The following PCCA variants were observed in gnomAD, a reference collection of about 807,000 sequenced individuals.
The protein encoded by PCCA is propionyl-CoA carboxylase alpha chain, mitochondrial.
PCCA carries 74 observed loss-of-function variants against 101.3 expected under a neutral mutation model. The observed-to-expected ratio is 0.73, with a 90% CI of 0.61 to 0.89. PCCA has a LOEUF of 0.89. PCCA is among the 40% of genes least tolerant of loss of function. The probability of loss-of-function intolerance (pLI) is 0.00; values close to 1 mark genes in which losing one functional copy is unlikely to be tolerated. For missense variants in PCCA, 891 were observed against 907.0 expected, an observed-to-expected ratio of 0.98 and a Z score of 0.23; for synonymous variants, 294 against 313.6, an observed-to-expected ratio of 0.94 and a Z score of 0.66.
At chr13:100,206,993 A>G (rs549078976) in intron 6 of PCCA, among the ~76,000 whole-genome samples, 4 of 152,196 alleles carry the variant, frequency 2.6e-5, no homozygotes, top group Non-Finnish European at 5.9e-5. Flanking sequence ...AACCCTGTAT[A>G]AAAACACTCA....
At chr13:100,194,017 G>T (rs1190410995) in intron 6 of PCCA, among the ~76,000 whole-genome samples, 1 of 151,736 alleles carries the variant, frequency 6.6e-6, no homozygotes, top group Non-Finnish European at 1.5e-5. Context: ...CATGCAGTGA[G>T]CCGAGATTGT....
At chr13:100,160,471 C>T (rs1341960045) in intron 6 of PCCA, among the ~76,000 whole-genome samples, 1 of 150,718 alleles carries the variant, frequency 6.6e-6, no homozygotes, top group African/African-American at 2.4e-5. Flanking sequence ...CTACTGCACT[C>T]CAGCCTAGGC....
chr13:100,436,950 G>A (rs1287341438), intron 20 of PCCA, among the ~76,000 whole-genome samples: 1 of 152,202 alleles, frequency 6.6e-6, no homozygotes, highest in Non-Finnish European at 1.5e-5. Context: ...AGAAACAAGA[G>A]GGCTCCCAAG....
intron 18 of PCCA, among the ~76,000 whole-genome samples, chr13:100,348,347 AAAAG>A (rs1240162336): frequency 6.6e-6 from 1 of 152,230 alleles, no homozygotes; most frequent in African/African-American, 2.4e-5. Context: ...ATTTTAGAAA[AAAAG>A]AAAAGTTAAT....
At chr13:100,351,478 G>A (rs577797343) in intron 18 of PCCA, among the ~76,000 whole-genome samples, 2 of 152,154 alleles carry the variant, frequency 1.3e-5, no homozygotes, top group South Asian at 4.2e-4. Context: ...TGATTTTTCA[G>A]TATAATGCTT....
intron 18 of PCCA, among the ~76,000 whole-genome samples, chr13:100,341,446 T>C (rs1174225360): frequency 6.6e-6 from 1 of 152,172 alleles, no homozygotes; most frequent in Admixed American, 6.5e-5. Context: ...TGGGAGGCAC[T>C]AGCCATGTAT....
intron 19 of PCCA, among the ~76,000 whole-genome samples, chr13:100,388,294 C>A (rs1475243732): frequency 6.6e-6 from 1 of 151,746 alleles, no homozygotes; most frequent in Non-Finnish European, 1.5e-5. Context: ...CATAGTGAGA[C>A]CCTGTCTCTA....
chr13:100,109,613 T>A (rs2048121821), intron 2 of PCCA, among the ~76,000 whole-genome samples: 1 of 152,238 alleles, frequency 6.6e-6, no homozygotes, highest in Admixed American at 6.5e-5. Flanking sequence ...GGGTTTACCA[T>A]GACCATTTAA....
At chr13:100,173,346 T>C (rs1360555618) in intron 6 of PCCA, among the ~76,000 whole-genome samples, 2 of 152,154 alleles carry the variant, frequency 1.3e-5, no homozygotes, top group Non-Finnish European at 1.5e-5. Context: ...GGGATGGTTT[T>C]AGTTACTAGG....
At chr13:100,316,812 C>T (rs932216718) in intron 16 of PCCA, among the ~76,000 whole-genome samples, 5 of 151,338 alleles carry the variant, frequency 3.3e-5, no homozygotes, top group African/African-American at 4.9e-5. Context: ...CTCACTCTGT[C>T]ACCCAGGCTG....
chr13:100,175,183 C>T (rs1456272663), intron 6 of PCCA, among the ~76,000 whole-genome samples: 2 of 152,120 alleles, frequency 1.3e-5, no homozygotes, highest in East Asian at 1.9e-4. Flanking sequence ...TCAGTCTTGT[C>T]AAGTCCCTGG....
intron 9 of PCCA, among the ~76,000 whole-genome samples, chr13:100,262,449 A>G (rs117888540): frequency 5.9e-5 from 9 of 152,124 alleles, no homozygotes; most frequent in Non-Finnish European, 1.3e-4. Flanking sequence ...TCCTGTTTCA[A>G]TGGAAAATCT....
At chr13:100,188,298 AC>A (rs529762078) in intron 6 of PCCA, among the ~76,000 whole-genome samples, 2 of 118,764 alleles carry the variant, frequency 1.7e-5, no homozygotes, top group African/African-American at 3.4e-5. Flanking sequence ...TCTCAAAAAA[AC>A]AAAACAAAAC....
chr13:100,506,796 TG>T (rs1250257918), intron 21 of PCCA, among the ~76,000 whole-genome samples: 1 of 152,164 alleles, frequency 6.6e-6, no homozygotes, highest in African/African-American at 2.4e-5. Flanking sequence ...GGAAGAGGGT[TG>T]GGCACCGTCG....
rs1195261556 is a variant in PCCA, at chr13:100,425,673, G to C, written c.1787G>C (p.Trp596Ser). The change falls in exon 20 of 24, where the codon TGG becomes TCG. Residue 596 changes from tryptophan to serine, a missense_variant. Trp to Ser is a radical substitution (Grantham distance 177). Coordinates refer to ENST00000376285, the MANE Select transcript of PCCA (RefSeq NM_000282.4). ...TCGAAACTAAATGTGACCAGCACGT[G>C]GAACCTGGCTTCGCCCTTATTGTCT... ...DGSKLNVTST[W>S]NLASPLLSVS... The C allele has an allele frequency of 1.2e-6, 2 of 1,614,126 alleles. No homozygotes were observed. The highest frequency in any genetic ancestry group is 2.2e-5 in the South Asian group (2 of 91,074).
intron 12 of PCCA, among the ~76,000 whole-genome samples, chr13:100,284,222 A>G (rs1190496132): frequency 2.0e-5 from 3 of 152,194 alleles, no homozygotes; most frequent in Non-Finnish European, 4.4e-5. Flanking sequence ...CTCTTTTCAC[A>G]TGCCTTTCTT....
chr13:100,467,690 G>A (rs142297067), intron 21 of PCCA, among the ~76,000 whole-genome samples: 60 of 152,280 alleles, frequency 3.9e-4, no homozygotes, highest in African/African-American at 1.3e-3. Flanking sequence ...TTGTGAGAGT[G>A]CAGCAATTCA....
At chr13:100,449,230 A>C (rs375609870) in intron 20 of PCCA, 22 bp from the exon 21 acceptor site, 732 of 1,500,248 alleles carry the variant, frequency 4.9e-4, no homozygotes, top group Admixed American at 1.3e-3. Flanking sequence ...AGTTCATTTT[A>C]TATCTCTTGT....
At chr13:100,150,281 C>A (rs1202124671) in intron 4 of PCCA, among the ~76,000 whole-genome samples, 1 of 152,162 alleles carries the variant, frequency 6.6e-6, no homozygotes, top group Non-Finnish European at 1.5e-5. Context: ...ATCCACCCGC[C>A]TCGGCCTCCC....
Sources: gnomAD v4.1 joint callset for allele counts (sites outside exome capture counted in the v4.1 genomes callset) on GRCh38, gnomAD v4.1.1 for gene constraint, MANE v1.5 for transcripts, NCBI Gene and HGNC (gene_info 2026-07-23, HGNC 2026-07-21) for gene names.